Variants in NREP observed in about 807,000 individuals in gnomAD.
NREP encodes neuronal regeneration-related protein.
A neutral mutation model predicts 8.6 loss-of-function variants in NREP; 5 were observed. The ratio of observed to expected loss-of-function variants is 0.58; its 90% CI spans 0.30 to 1.22. The LOEUF (loss-of-function observed/expected upper bound fraction) is 1.22. NREP is among the 50% of genes most tolerant of loss of function. The pLI is 0.07. For missense variants in NREP, 86 were observed against 82.5 expected (o/e 1.04, Z -0.17); for synonymous variants, 27 against 28.0 (o/e 0.96, Z 0.11).
In NREP at chr5:111,811,742, G is replaced by A. The variant is rs374585478; in HGVS notation, c.136-76235C>T. On this transcript the variant is annotated intron_variant, in intron 2 of 3. Transcript: ENST00000395634. ...GTTAAACTGAAGCTCAGATGTGGTT[G>A]CAGGTTTTTTTTAAATTTTGAATTA... Among the ~76,000 whole-genome samples, 572 of 152,258 alleles carry A rather than the reference G, an allele frequency of 3.8e-3. 3 individuals are homozygous for A. Among genetic ancestry groups the A allele is most frequent in the Middle Eastern group, 6.8e-3 (2 of 294 alleles).
Position 111,858,108 on chromosome 5 carries a change from C to T in NREP, c.135+117166G>A, listed in dbSNP as rs528952299. On this transcript the variant is annotated intron_variant, in intron 2 of 3. Transcript: ENST00000395634. ...AGTTTCCTACAACCAGCATCATCAA[C>T]GTTGCCGGGAACTTGATAGAAATGC... Among the ~76,000 whole-genome samples the T allele has an allele frequency of 3.9e-5, 6 of 152,240 alleles. No individual in the cohort carries two copies. The East Asian group carries it at 5.8e-4, about 15-fold the overall frequency.
At chr5:111,800,483 C>G (rs1035303872) in intron 2 of NREP, among the ~76,000 whole-genome samples, 1 of 152,170 alleles carries the variant, frequency 6.6e-6, no homozygotes, top group Non-Finnish European at 1.5e-5. Flanking sequence ...ATCATTTTGT[C>G]TGTGAATCTG....
intron 2 of NREP, among the ~76,000 whole-genome samples, chr5:111,780,432 G>A (rs1751465530): frequency 6.6e-6 from 1 of 152,150 alleles, no homozygotes; most frequent in African/African-American, 2.4e-5. Context: ...CTGGAACACA[G>A]GAAAGAGTCA....
chr5:111,916,966 A>G (rs1755077177), intron 2 of NREP, among the ~76,000 whole-genome samples: 1 of 152,108 alleles, frequency 6.6e-6, no homozygotes, highest in South Asian at 2.1e-4. Flanking sequence ...GAAAGAAAGG[A>G]AAGTTTCTGC....
intron 2 of NREP, among the ~76,000 whole-genome samples, chr5:111,828,066 G>C (rs1454972217): frequency 1.3e-5 from 2 of 150,118 alleles, no homozygotes; most frequent in African/African-American, 2.5e-5. Flanking sequence ...TTTCGCTCTT[G>C]TTTGCCCAGG....
chr5:111,868,617 T>C (rs141714115), intron 2 of NREP, among the ~76,000 whole-genome samples: 1 of 152,304 alleles, frequency 6.6e-6, no homozygotes, highest in Non-Finnish European at 1.5e-5. Context: ...ACAACTGCTG[T>C]TTTTAGAAGA....
chr5:111,849,498 G>A (rs1753258843), intron 2 of NREP, among the ~76,000 whole-genome samples: 1 of 152,110 alleles, frequency 6.6e-6, no homozygotes. Context: ...TTAAGCAGAG[G>A]AGTAACACTT....
At chr5:111,965,583 A>G (rs909702269) in intron 2 of NREP, among the ~76,000 whole-genome samples, 1 of 152,128 alleles carries the variant, frequency 6.6e-6, no homozygotes, top group Non-Finnish European at 1.5e-5. Context: ...CTCTGTCTAT[A>G]TCCCACCCAT....
intron 2 of NREP, among the ~76,000 whole-genome samples, chr5:111,962,495 C>T (rs771285656): frequency 6.6e-6 from 1 of 152,128 alleles, no homozygotes; most frequent in African/African-American, 2.4e-5. Flanking sequence ...CAATTAATTT[C>T]TCAGACAGAA....
intron 2 of NREP, among the ~76,000 whole-genome samples, chr5:111,740,292 T>A (rs1394951879): frequency 2.0e-5 from 3 of 152,184 alleles, no homozygotes; most frequent in African/African-American, 7.2e-5. Flanking sequence ...TTTATGCTTT[T>A]GGGTATAATT....
intron 2 of NREP, among the ~76,000 whole-genome samples, chr5:111,850,475 C>T (rs1242299185): frequency 1.3e-5 from 2 of 152,148 alleles, no homozygotes; most frequent in East Asian, 1.9e-4. Flanking sequence ...ATTTTCTTCT[C>T]CTCACCCACA....
At chr5:111,972,592 C>T (rs1259744897) in intron 2 of NREP, among the ~76,000 whole-genome samples, 1 of 152,178 alleles carries the variant, frequency 6.6e-6, no homozygotes, top group Non-Finnish European at 1.5e-5. Context: ...TATTTGTGCA[C>T]AAGTCAAAGG....
At chr5:111,738,788 T>C (rs1581045312) in intron 2 of NREP, 1 of 152,224 alleles carries the variant, frequency 6.6e-6, no homozygotes, top group East Asian at 1.9e-4. Context: ...CAGAATGTGA[T>C]TGTATTTGGA....
At chr5:111,813,875 A>G (rs971332574) in intron 2 of NREP, among the ~76,000 whole-genome samples, 1 of 152,110 alleles carries the variant, frequency 6.6e-6, no homozygotes, top group African/African-American at 2.4e-5. Flanking sequence ...TTCTTTTGGT[A>G]TATACTATAT....
intron 2 of NREP, among the ~76,000 whole-genome samples, chr5:111,781,648 C>T (rs1165546233): frequency 6.6e-6 from 1 of 152,164 alleles, no homozygotes; most frequent in Non-Finnish European, 1.5e-5. Context: ...ATAATACATC[C>T]TCACTTCCAG....
chr5:111,958,663 A>T (rs1756395828), intron 2 of NREP, among the ~76,000 whole-genome samples: 1 of 151,838 alleles, frequency 6.6e-6, no homozygotes, highest in Non-Finnish European at 1.5e-5. Context: ...GAATTAAATA[A>T]TTAGAAAAAC....
intron 2 of NREP, among the ~76,000 whole-genome samples, chr5:111,863,870 G>A (rs1443046086): frequency 6.6e-6 from 1 of 152,108 alleles, no homozygotes; most frequent in Non-Finnish European, 1.5e-5. Flanking sequence ...CTCCATGTGG[G>A]ACTGTTTGGA....
At chr5:111,952,737 G>C (rs1458914370) in intron 2 of NREP, among the ~76,000 whole-genome samples, 2 of 152,088 alleles carry the variant, frequency 1.3e-5, no homozygotes, top group Admixed American at 1.3e-4. Context: ...GGGGGAAGTT[G>C]GTTGGATTGT....
exon 2 of NREP, chr5:111,975,280 C>T: frequency 6.4e-7 from 1 of 1,550,502 alleles, no homozygotes; most frequent in Non-Finnish European, 8.7e-7. Flanking sequence ...TTACACAATT[C>T]AGAACAGAAA....
Sources: gnomAD v4.1 joint callset for allele counts (sites outside exome capture counted in the v4.1 genomes callset) on GRCh38, gnomAD v4.1.1 for gene constraint, MANE v1.5 for transcripts, NCBI Gene and HGNC (gene_info 2026-07-23, HGNC 2026-07-21) for gene names.